Variants in PCGF5 observed in about 807,000 individuals in gnomAD.
The protein encoded by PCGF5 is polycomb group ring finger 5.
In PCGF5, 9 loss-of-function variants were observed where a neutral mutation model predicts 44.3. That is an observed-to-expected ratio of 0.20 (90% CI 0.12 to 0.35). The LOEUF (loss-of-function observed/expected upper bound fraction) is 0.35, where lower values mean the gene tolerates loss of function less well. Among genes scored for constraint, PCGF5 ranks in the 10% least tolerant of loss-of-function variants. The pLI is 1.00. For synonymous variants in PCGF5, 95 were observed against 102.5 expected, an observed-to-expected ratio of 0.93 and a Z score of 0.44; for missense variants, 146 against 305.3, an observed-to-expected ratio of 0.48 and a Z score of 3.89.
chr10:91,238,625 T>TC (rs1564645087), intron 2 of PCGF5, among the ~76,000 whole-genome samples: 11 of 123,376 alleles, frequency 8.9e-5, no homozygotes, highest in African/African-American at 3.0e-4. Context: ...TTTTTTTTTT[T>TC]TTTTTTGCCT....
At chr10:91,220,161 C>T (rs1249136296), upstream of PCGF5, 3 of 142,572 alleles carry the variant, frequency 2.1e-5, no homozygotes, top group African/African-American at 7.8e-5. Flanking sequence ...CACAACGTTC[C>T]CGTTTGCTTA....
At chr10:91,274,247 T>C (rs1354367342) in intron 9 of PCGF5, among the ~76,000 whole-genome samples, 1 of 152,218 alleles carries the variant, frequency 6.6e-6, no homozygotes, top group African/African-American at 2.4e-5. Flanking sequence ...AAGTCAGTCA[T>C]TCTAAAGCTC....
At chr10:91,190,739 A>G (rs1844017563) in intron 1 of PCGF5, among the ~76,000 whole-genome samples, 2 of 152,190 alleles carry the variant, frequency 1.3e-5, no homozygotes, top group African/African-American at 4.8e-5. Flanking sequence ...TTAAATACCA[A>G]ACAAATGAGC....
intron 1 of PCGF5, among the ~76,000 whole-genome samples, chr10:91,192,155 T>C (rs1844043896): frequency 6.6e-6 from 1 of 152,228 alleles, no homozygotes; most frequent in South Asian, 2.1e-4. Context: ...GTCTCACTCA[T>C]TTCTGATAGT....
At chr10:91,274,012 A>G (rs1263615021) in intron 9 of PCGF5, among the ~76,000 whole-genome samples, 2 of 151,954 alleles carry the variant, frequency 1.3e-5, no homozygotes, top group Non-Finnish European at 2.9e-5. Flanking sequence ...ACAAAGGAAT[A>G]TTCTTTATGA....
intron 2 of PCGF5, chr10:91,227,621 A>C (rs538122226): frequency 1.7e-5 from 19 of 1,132,618 alleles, no homozygotes; most frequent in Non-Finnish European, 2.1e-5. Context: ...AACTGTGTCC[A>C]AGTGGTAATA....
chr10:91,273,060 T>C (rs750312453), intron 9 of PCGF5, among the ~76,000 whole-genome samples: 9 of 152,250 alleles, frequency 5.9e-5, no homozygotes, highest in Non-Finnish European at 1.2e-4. Context: ...ATGGGAATTC[T>C]CGTGCCTTCA....
chr10:91,168,448 T>C (rs12265704), intron 1 of PCGF5, among the ~76,000 whole-genome samples: 2,513 of 152,212 alleles, frequency 0.017, 78 homozygotes, highest in African/African-American at 0.058. Context: ...CAGTAGCCTT[T>C]GAGGAACAGA....
chr10:91,185,513 A>G (rs1317060707), intron 1 of PCGF5, among the ~76,000 whole-genome samples: 2 of 152,158 alleles, frequency 1.3e-5, no homozygotes, highest in Non-Finnish European at 2.9e-5. Context: ...GCTGACCATC[A>G]CTGCTGAGCC....
At chr10:91,205,686 A>ATTT (rs1844335170) in intron 1 of PCGF5, among the ~76,000 whole-genome samples, 1 of 152,142 alleles carries the variant, frequency 6.6e-6, no homozygotes, top group Non-Finnish European at 1.5e-5. Context: ...ATTTACAGTT[A>ATTT]ATAAAACTGA....
At chr10:91,247,015 A>G (rs1845484665) in intron 3 of PCGF5, among the ~76,000 whole-genome samples, 2 of 117,280 alleles carry the variant, frequency 1.7e-5, no homozygotes, top group African/African-American at 6.4e-5. Context: ...AGATAGATAG[A>G]TAGATAATCT....
intron 1 of PCGF5, among the ~76,000 whole-genome samples, chr10:91,174,089 A>G (rs1266910798): frequency 6.6e-6 from 1 of 151,014 alleles, no homozygotes; most frequent in Non-Finnish European, 1.5e-5. Context: ...GCCACTTCAT[A>G]TCTAACCTAC....
At chr10:91,252,363 A>G (rs2133383137) in intron 6 of PCGF5, among the ~76,000 whole-genome samples, 1 of 152,096 alleles carries the variant, frequency 6.6e-6, no homozygotes, top group African/African-American at 2.4e-5. Context: ...GAAGTGAAAA[A>G]CAATTTTTCA....
intron 6 of PCGF5, among the ~76,000 whole-genome samples, chr10:91,259,676 A>G (rs1845845891): frequency 6.6e-6 from 1 of 152,204 alleles, no homozygotes; most frequent in Non-Finnish European, 1.5e-5. Flanking sequence ...CATATCTACA[A>G]CTATCTGATC....
intron 8 of PCGF5, among the ~76,000 whole-genome samples, chr10:91,271,179 T>G (rs1051310438): frequency 1.3e-5 from 2 of 151,336 alleles, no homozygotes; most frequent in Non-Finnish European, 2.9e-5. Context: ...AAACAGAAAA[T>G]AGATGCCTTA....
At chr10:91,227,393 A>G (rs2133298568) in intron 2 of PCGF5, 3 of 1,288,206 alleles carry the variant, frequency 2.3e-6, no homozygotes, top group Non-Finnish European at 2.0e-6. Context: ...GAAACTCAGC[A>G]TATCTACGAA....
Position 91,271,666 on chromosome 10 carries a change from A to G in PCGF5, c.692A>G (p.Gln231Arg). The change falls in exon 9 of 10, where the codon CAA becomes CGA. Residue 231 changes from glutamine (Q) to arginine (R), a missense_variant. Gln to Arg is a conservative substitution (Grantham distance 43). Transcript: ENST00000336126. ...CGGTGTCTGAACTGCTCAGCTTCGC[A>G]AGTCTGCTCTCAGGATGGCCCTTTG... ...NFRCLNCSAS[Q>R]VCSQDGPLYQ... 1 of 1,613,916 alleles carries G rather than the reference A, an allele frequency of 6.2e-7. No homozygotes were observed. Among genetic ancestry groups the G allele is most frequent in the Non-Finnish European group, 8.5e-7 (1 of 1,179,884 alleles).
chr10:91,166,135 A>G (rs12268274), intron 1 of PCGF5, among the ~76,000 whole-genome samples: 2,561 of 152,334 alleles, frequency 0.017, 84 homozygotes, highest in African/African-American at 0.059. Flanking sequence ...CTAAGGTACA[A>G]GGCAAGAGTC....
At chr10:91,199,320 G>A (rs112279441) in intron 1 of PCGF5, among the ~76,000 whole-genome samples, 3 of 152,216 alleles carry the variant, frequency 2.0e-5, no homozygotes, top group Non-Finnish European at 4.4e-5. Flanking sequence ...AGGCAGCAAG[G>A]GGGGCAGAAA....
Sources: gnomAD v4.1 joint callset for allele counts (sites outside exome capture counted in the v4.1 genomes callset) on GRCh38, gnomAD v4.1.1 for gene constraint, MANE v1.5 for transcripts, NCBI Gene and HGNC (gene_info 2026-07-23, HGNC 2026-07-21) for gene names.